Variants in STK11 observed in about 807,000 individuals in gnomAD.
The protein encoded by STK11 is serine/threonine kinase 11.
A neutral mutation model predicts 47.3 loss-of-function variants in STK11; 8 were observed. That is an observed-to-expected ratio of 0.17 (90% CI 0.10 to 0.31). The LOEUF is 0.31. STK11 is among the 10% of genes least tolerant of loss of function. The pLI, the probability that STK11 is intolerant of heterozygous loss-of-function variation, is 1.00. For synonymous variants in STK11, 330 were observed against 255.8 expected, an observed-to-expected ratio of 1.29 and a Z score of -2.77; for missense variants, 475 against 605.0, an observed-to-expected ratio of 0.79 and a Z score of 2.25.
chr19:1,221,520 C>A, intron 6 of STK11, 180 bp downstream of exon 6: 1 of 973,662 alleles, frequency 1.0e-6, no homozygotes, highest in Non-Finnish European at 1.5e-6. Flanking sequence ...TCAGCTCCAC[C>A]CTGCTTCTGG....
At chr19:1,222,786 C>T (rs962223233) in intron 7 of STK11, among the ~76,000 whole-genome samples, 199 bp from the exon 8 acceptor site, 2 of 152,202 alleles carry the variant, frequency 1.3e-5, no homozygotes, top group East Asian at 1.9e-4. Context: ...GAGGGGACAT[C>T]TGTCAGGCTT....
chr19:1,209,574 T>G (rs1395610854), intron 1 of STK11, among the ~76,000 whole-genome samples: 1 of 149,864 alleles, frequency 6.7e-6, no homozygotes, highest in African/African-American at 2.5e-5. Flanking sequence ...ACAGCGAGAC[T>G]CTGTCTCAAA....
At chr19:1,226,715 C>G (rs545211653) in intron 9 of STK11, 52 bp downstream of exon 9, 1 of 1,442,210 alleles carries the variant, frequency 6.9e-7, no homozygotes, top group South Asian at 1.5e-5. Flanking sequence ...GCCTGGATGC[C>G]ACAGCCAGCC....
At chr19:1,218,183 C>T (rs1454151276) in intron 1 of STK11, among the ~76,000 whole-genome samples, 1 of 152,174 alleles carries the variant, frequency 6.6e-6, no homozygotes, top group Non-Finnish European at 1.5e-5. Flanking sequence ...CTCCAAAGCC[C>T]TCGCCGGCCG....
intron 1 of STK11, among the ~76,000 whole-genome samples, chr19:1,214,233 C>T (rs940379906): frequency 1.3e-5 from 2 of 152,336 alleles, no homozygotes; most frequent in East Asian, 3.9e-4. Context: ...GATGTGCACC[C>T]ATCATCCCGG....
chr19:1,207,757 G>C (rs1165337915), intron 1 of STK11, among the ~76,000 whole-genome samples: 1 of 152,262 alleles, frequency 6.6e-6, no homozygotes, highest in Non-Finnish European at 1.5e-5. Context: ...TCATTTGCCA[G>C]GGATGTGACG....
At chr19:1,211,831 A>T (rs1000798577) in intron 1 of STK11, among the ~76,000 whole-genome samples, 5 of 152,216 alleles carry the variant, frequency 3.3e-5, no homozygotes, top group African/African-American at 1.2e-4. Flanking sequence ...TGATTGGCAG[A>T]TGCTTGGACC....
chr19:1,227,088 G>A, intron 9 of STK11: 1 of 187,240 alleles, frequency 5.3e-6, no homozygotes, highest in Non-Finnish European at 1.1e-5. Context: ...TGGCTCTGCC[G>A]GGGTGCCGCA....
chr19:1,220,467 G>A lies in STK11; in HGVS notation c.559G>A (p.Gly187Ser), dbSNP rs587782032. ...IKPGNLLLTT[G>S]GTLKISDLGV... is the part of the protein sequence containing the mutation. ...GCCGGGGAACCTGCTGCTCACCACC[G>A]GTGGCACCCTCAAAATCTCCGACCT... is the stretch of plus-strand genomic sequence containing the variant. Residue 187 changes from glycine (G) to serine (S), a missense_variant, in exon 4 of 10, where the codon GGT becomes AGT. By Grantham distance (56) the Gly-to-Ser change is moderately conservative. Around this residue, in one of 5 missense-constraint regions of STK11, gnomAD observed 130 missense variants for 239.7 expected, o/e 0.54. Coordinates refer to ENST00000326873, the MANE Select transcript of STK11 (RefSeq NM_000455.5). 59 of 1,606,978 alleles carry A rather than the reference G, an allele frequency of 3.7e-5. No individual in the cohort carries two copies. The highest frequency in any genetic ancestry group is 9.0e-5 in the East Asian group (4 of 44,628).
chr19:1,221,414 T>G (rs2145427579), intron 6 of STK11, 74 bp downstream of exon 6: 3 of 1,487,420 alleles, frequency 2.0e-6, no homozygotes, highest in Non-Finnish European at 1.8e-6. Context: ...GTTGGGGGTG[T>G]CAGGTGGGGG....
intron 6 of STK11, 31 bp downstream of exon 6, chr19:1,221,371 C>A: frequency 6.3e-7 from 1 of 1,581,290 alleles, no homozygotes; most frequent in East Asian, 2.3e-5. Flanking sequence ...CCCGCAGCCC[C>A]AGGGAGGCGG....
At chr19:1,223,976 G>C in intron 8 of STK11, 2 of 1,009,730 alleles carry the variant, frequency 2.0e-6, no homozygotes, top group Non-Finnish European at 2.4e-6. Context: ...GCCTGAGAAG[G>C]GGGGTACGCC....
intron 8 of STK11, chr19:1,223,548 G>C: frequency 1.9e-6 from 2 of 1,060,186 alleles, no homozygotes; most frequent in Non-Finnish European, 2.3e-6. Context: ...CCCTCAGACA[G>C]CTGGCATGAG....
In STK11 at chr19:1,206,333, C is replaced by G. The variant is rs2145403196; in HGVS notation, c.-581C>G. On this transcript the variant is annotated 5_prime_UTR_variant, in exon 1 of 10. Transcript: ENST00000326873. ...GGGAGTCGGCGCCCCCCGGGAGGTC[C>G]GCTCGGTCGTCCGCGGCGGAGCGTT... is the stretch of plus-strand genomic sequence containing the variant. 1 of 229,178 alleles carries G rather than the reference C, an allele frequency of 4.4e-6. No homozygotes were observed. Among genetic ancestry groups the G allele is most frequent in the Admixed American group, 5.7e-5 (1 of 17,624 alleles). 14.2% of individuals were successfully genotyped at this position (229,178 alleles called of 1,614,324 possible). A position where few individuals can be genotyped will look rare whatever the true frequency, so the allele number is the denominator to read the frequency against.
intron 2 of STK11, among the ~76,000 whole-genome samples, chr19:1,218,849 G>A (rs1031903815): frequency 2.6e-5 from 4 of 152,222 alleles, no homozygotes; most frequent in Non-Finnish European, 4.4e-5. Flanking sequence ...GCGTGTCCTC[G>A]TGTCATCTGT....
rs1341367731 is a variant in STK11, at chr19:1,228,050, TC to T, written c.*475del. Reference sequence around the variant, plus strand: ...GTTTTTTGTTTGGTTGGTTCCATTTTCTTTTTTTCTTTTTTTTTTTAAGAAA... The same window carrying T: ...GTTTTTTGTTTGGTTGGTTCCATTTTTTTTTTTCTTTTTTTTTTTAAGAAA... On this transcript the variant is annotated 3_prime_UTR_variant, in exon 10 of 10. Transcript: ENST00000326873. 1.9e-6 allele frequency: 2 copies of T among 1,065,406 alleles called. No individual in the cohort carries two copies. The highest frequency in any genetic ancestry group is 3.3e-5 in the African/African-American group (2 of 60,990). 66.0% of individuals were successfully genotyped at this position (1,065,406 alleles called of 1,614,324 possible). A position where few individuals can be genotyped will look rare whatever the true frequency, so the allele number is the denominator to read the frequency against.
chr19:1,221,605 G>A lies in STK11; in HGVS notation c.862+265G>A, dbSNP rs569887912. On this transcript the variant is annotated intron_variant, in intron 6 of 9. Coordinates refer to ENST00000326873, the MANE Select transcript of STK11 (RefSeq NM_000455.5). ...GCCTCCCCCAGCCCCACCCTCGGGG[G>A]CTCCCTGGCTTGCAGGGTCTGTCAG... 1.7e-5 allele frequency: 10 copies of A among 595,710 alleles called. No individual in the cohort carries two copies. In the Admixed American group the frequency reaches 3.0e-4, roughly 18 times the overall value. The allele number at this position is 595,710 out of a possible 1,614,324, so 36.9% of individuals were successfully genotyped here.
chr19:1,227,917 C>G lies in STK11; in HGVS notation c.*341C>G. 1 of 1,070,598 alleles carries G rather than the reference C, an allele frequency of 9.3e-7. No homozygotes were observed. The highest frequency in any genetic ancestry group is 1.1e-6 in the Non-Finnish European group (1 of 882,446). The allele number at this position is 1,070,598 out of a possible 1,614,324, so 66.3% of individuals were successfully genotyped here. Reference sequence around the variant, plus strand: ...CCGTGGCCTCGTGCTCCGCAGGGCGCCCAGCGCCGTCCGGCGGCCCCGCCG... The same window carrying G: ...CCGTGGCCTCGTGCTCCGCAGGGCGGCCAGCGCCGTCCGGCGGCCCCGCCG... On this transcript the variant is annotated 3_prime_UTR_variant, in exon 10 of 10. Transcript: ENST00000326873.
intron 3 of STK11, 30 bp from the exon 4 acceptor site, chr19:1,220,343 G>C (rs1224849798): frequency 2.5e-6 from 4 of 1,585,942 alleles, no homozygotes; most frequent in East Asian, 4.6e-5. Flanking sequence ...GGGAGGCCTC[G>C]GCCCCAGGAC....
Sources: gnomAD v4.1 joint callset for allele counts (sites outside exome capture counted in the v4.1 genomes callset) on GRCh38, gnomAD v4.1.1 for gene constraint, gnomAD v4.1.1 regional missense constraint, MANE v1.5 for transcripts, NCBI Gene and HGNC (gene_info 2026-07-23, HGNC 2026-07-21) for gene names.